SLC6A20: variants seen among roughly 807,000 people sequenced by gnomAD.
The protein encoded by SLC6A20 is solute carrier family 6 member 20.
In SLC6A20, 73 loss-of-function variants were observed where a neutral mutation model predicts 64.3. That is an observed-to-expected ratio of 1.14 (90% CI 0.94 to 1.38). SLC6A20 has a LOEUF of 1.38. SLC6A20 is among the 40% of genes most tolerant of loss of function. The pLI, the probability that SLC6A20 is intolerant of heterozygous loss-of-function variation, is 0.00. For missense variants in SLC6A20, 725 were observed against 772.8 expected, an observed-to-expected ratio of 0.94 and a Z score of 0.73; for synonymous variants, 347 against 329.6, an observed-to-expected ratio of 1.05 and a Z score of -0.57.
rs1368011718 is a variant in SLC6A20 at position 45,771,526 on chromosome 3, GGA to G, written c.694-70_694-69del. Reference sequence around the variant, plus strand: ...ATCCCAAATGCTCAGACCCGCAACAGGAGAGTAGCCCAGAGAGGGGAAGGAGC... The same window carrying G: ...ATCCCAAATGCTCAGACCCGCAACAGGAGTAGCCCAGAGAGGGGAAGGAGC... On this transcript the variant is annotated intron_variant, in intron 5 of 10. Transcript: ENST00000358525. 103 of 1,599,246 alleles carry G rather than the reference GGA, an allele frequency of 6.4e-5. No homozygotes were observed. In the East Asian group the frequency reaches 2.0e-3, roughly 31 times the overall value.
At chr3:45,785,550 G>A (rs888611097) in intron 1 of SLC6A20, among the ~76,000 whole-genome samples, 1 of 151,818 alleles carries the variant, frequency 6.6e-6, no homozygotes, top group Admixed American at 6.6e-5. Flanking sequence ...TTGATCCTCA[G>A]CTTGCAGACA....
At chr3:45,771,535 C>A in intron 5 of SLC6A20, 77 bp from the exon 6 acceptor site, 1 of 1,585,166 alleles carries the variant, frequency 6.3e-7, no homozygotes, top group Middle Eastern at 2.0e-4. Context: ...AGGAGAGTAG[C>A]CCAGAGAGGG....
At chr3:45,772,648 G>C in intron 4 of SLC6A20, 33 bp from the exon 5 acceptor site, 2 of 1,555,318 alleles carry the variant, frequency 1.3e-6, no homozygotes, top group Non-Finnish European at 1.8e-6. Context: ...TTGGCCTCCC[G>C]GAGCAGTGGG....
At position 45,776,111 on chromosome 3, in the gene SLC6A20, G is replaced by A. The variant is rs144395118; in HGVS notation, c.355-123C>T. On this transcript the variant is annotated intron_variant, in intron 3 of 10. Coordinates refer to ENST00000358525, the MANE Select transcript of SLC6A20 (RefSeq NM_020208.4). Reference sequence around the variant, plus strand: ...AGAGAAGGGTGCTGGTCCCCGAAGGGCAGGTGGCTGGAGCCCCTGAAGGCA... The same window carrying A: ...AGAGAAGGGTGCTGGTCCCCGAAGGACAGGTGGCTGGAGCCCCTGAAGGCA... The A allele has an allele frequency of 2.2e-4, 199 of 923,242 alleles. No homozygotes were observed. In the African/African-American group the frequency reaches 2.8e-3, roughly 13 times the overall value. The allele number at this position is 923,242 out of a possible 1,614,324, so 57.2% of individuals were successfully genotyped here. A position where few individuals can be genotyped will look rare whatever the true frequency, so the allele number is the denominator to read the frequency against.
At position 45,765,157 on chromosome 3, in the gene SLC6A20, G is replaced by A. The variant is rs527887808; in HGVS notation, c.1303+380C>T. On this transcript the variant is annotated intron_variant, in intron 8 of 10. Transcript: ENST00000358525. This position sits in a 1 kb window ranked among gnomAD's most constrained non-coding sequence, Gnocchi z 4.2. The stretch of plus-strand genomic sequence containing the variant: ...GAACCTGGGAGATGGAGGTTGCAGT[G>A]AGCCAAGATCACGCCACTGAACTCC... Among the ~76,000 whole-genome samples, 2 of 152,278 alleles carry A rather than the reference G, an allele frequency of 1.3e-5. No homozygotes were observed. Among genetic ancestry groups the A allele is most frequent in the South Asian group, 4.1e-4 (2 of 4,826 alleles).
At chr3:45,779,400 C>A (rs959445635) in intron 3 of SLC6A20, among the ~76,000 whole-genome samples, 1 of 152,328 alleles carries the variant, frequency 6.6e-6, no homozygotes, top group African/African-American at 2.4e-5. Flanking sequence ...GCCCCTTCCA[C>A]TTTTCTACAG....
chr3:45,777,271 C>T (rs777041060), intron 3 of SLC6A20, among the ~76,000 whole-genome samples: 13 of 152,158 alleles, frequency 8.5e-5, no homozygotes, highest in Non-Finnish European at 1.6e-4. Flanking sequence ...GTCTGCACAC[C>T]CAGACAGTGC....
chr3:45,778,801 C>T (rs771748535), intron 3 of SLC6A20, among the ~76,000 whole-genome samples: 108 of 152,252 alleles, frequency 7.1e-4, no homozygotes, highest in Non-Finnish European at 1.3e-3. Context: ...GCCCTGTTTC[C>T]ACTGAGAAGG....
chr3:45,768,402 G>C lies in SLC6A20; in HGVS notation c.1098+1807C>G, dbSNP rs1049392450. Reference sequence around the variant, plus strand: ...ACCAACCATGTAATTCTTGGCTGTAGAGCCAAGCTCAAAAGTAAGTGAGGA... The same window carrying C: ...ACCAACCATGTAATTCTTGGCTGTACAGCCAAGCTCAAAAGTAAGTGAGGA... On this transcript the variant is annotated intron_variant, in intron 7 of 10. Transcript: ENST00000358525. 5.3e-5 allele frequency among the ~76,000 whole-genome samples: 8 copies of C among 152,264 alleles called. No individual in the cohort carries two copies. In the East Asian group the frequency reaches 1.4e-3, roughly 26 times the overall value.
intron 1 of SLC6A20, among the ~76,000 whole-genome samples, chr3:45,782,951 G>A (rs1246783589): frequency 1.3e-5 from 2 of 152,212 alleles, no homozygotes; most frequent in Admixed American, 6.5e-5. Context: ...GTTGATCAGG[G>A]CCAAGACAAT....
At chr3:45,763,558 C>A (rs1339675721) in intron 8 of SLC6A20, among the ~76,000 whole-genome samples, 3 of 152,158 alleles carry the variant, frequency 2.0e-5, no homozygotes, top group African/African-American at 7.2e-5. Context: ...AGGGAAGAGA[C>A]AAATGTCCAC....
Position 45,796,393 on chromosome 3 carries a change from G to A in SLC6A20, c.27C>T (p.Ala9=), listed in dbSNP as rs763050738. 7.4e-6 allele frequency: 12 copies of A among 1,612,476 alleles called. No homozygotes were observed. In the South Asian group the frequency reaches 1.1e-4, roughly 15 times the overall value. ...AGGCGAACACGAACTGTAGCGAGTT[G>A]GCCCACAGCGGCCGCGCTTTCTCCA... MEKARPLW[A]NSLQFVFACI... Residue 9 remains alanine, a synonymous_variant, in exon 1 of 11, where the codon GCC becomes GCT. Coordinates refer to ENST00000358525, the MANE Select transcript of SLC6A20 (RefSeq NM_020208.4).
chr3:45,781,041 G>A (rs1011962061), intron 2 of SLC6A20, among the ~76,000 whole-genome samples: 3 of 152,100 alleles, frequency 2.0e-5, no homozygotes, highest in African/African-American at 7.2e-5. Context: ...ATAGCCTAGC[G>A]AAACCCCATC....
chr3:45,784,442 G>A (rs1457661375), intron 1 of SLC6A20, among the ~76,000 whole-genome samples: 1 of 152,134 alleles, frequency 6.6e-6, no homozygotes, highest in Non-Finnish European at 1.5e-5. Context: ...TTGAGTTTGA[G>A]GCAAAGATTT....
At chr3:45,768,414 AAAGT>A (rs1249522917) in intron 7 of SLC6A20, among the ~76,000 whole-genome samples, 1 of 152,358 alleles carries the variant, frequency 6.6e-6, no homozygotes, top group African/African-American at 2.4e-5. Flanking sequence ...GCCAAGCTCA[AAAGT>A]AAGTGAGGAA....
At chr3:45,774,786 T>C (rs536633829) in intron 4 of SLC6A20, among the ~76,000 whole-genome samples, 19 of 152,276 alleles carry the variant, frequency 1.2e-4, no homozygotes, top group Non-Finnish European at 4.4e-5. Context: ...CATTAAGGCA[T>C]AGAGAGAGCT....
At position 45,775,945 on chromosome 3, in the gene SLC6A20, G is replaced by C. The variant is rs145010504; in HGVS notation, c.398C>G (p.Thr133Arg). Reference protein sequence around the residue: ...WSVCPLNGNHTGYDEECEKAS... With the variant: ...WSVCPLNGNHRGYDEECEKAS... ...CTTCTCACACTCCTCATCGTAGCCC[G>C]TGTGGTTACCATTCAGTGGGCAGAC... The change falls in exon 4 of 11, where the codon ACG becomes AGG. Residue 133 changes from threonine to arginine, a missense_variant. Coordinates refer to ENST00000358525, the MANE Select transcript of SLC6A20 (RefSeq NM_020208.4). The C allele has an allele frequency of 5.6e-6, 9 of 1,614,094 alleles. No homozygotes were observed. The East Asian group carries it at 2.0e-4, about 36-fold the overall frequency.
chr3:45,779,787 G>A (rs1236158707), intron 3 of SLC6A20, among the ~76,000 whole-genome samples: 1 of 152,194 alleles, frequency 6.6e-6, no homozygotes, highest in Non-Finnish European at 1.5e-5. Flanking sequence ...CACTCTCACC[G>A]GTGGACTCTT....
At position 45,796,525 on chromosome 3, in the gene SLC6A20, C is replaced by T. The variant is rs1255207247; in HGVS notation, c.-106G>A. On this transcript the variant is annotated 5_prime_UTR_variant, in exon 1 of 11. Coordinates refer to ENST00000358525, the MANE Select transcript of SLC6A20 (RefSeq NM_020208.4). ...CCACCCCGGCTCGGCTTGGGGGTGG[C>T]CCCGCGCCTCCGCCGCCGACGCAGC... is the stretch of plus-strand genomic sequence containing the variant. 5 of 1,157,314 alleles carry T rather than the reference C, an allele frequency of 4.3e-6. No homozygotes were observed. The African/African-American group carries it at 4.9e-5, about 11-fold the overall frequency. The allele number at this position is 1,157,314 out of a possible 1,614,324, so 71.7% of individuals were successfully genotyped here. A position where few individuals can be genotyped will look rare whatever the true frequency, so the allele number is the denominator to read the frequency against.
Sources: allele counts gnomAD v4.1 joint callset (sites outside exome capture counted in the v4.1 genomes callset), GRCh38; gene constraint gnomAD v4.1.1; non-coding constraint Gnocchi (gnomAD v3.1); transcripts MANE v1.5; gene names NCBI Gene and HGNC (gene_info 2026-07-23, HGNC 2026-07-21).